TPH2: variants seen among roughly 807,000 people sequenced by gnomAD.
TPH2 encodes the protein tryptophan hydroxylase 2.
Under a neutral mutation model 59.1 loss-of-function variants are expected in TPH2, and 27 were observed. The ratio of observed to expected loss-of-function variants is 0.46; its 90% CI spans 0.34 to 0.63. TPH2 has a LOEUF of 0.63. Among genes scored for constraint, TPH2 ranks in the 30% least tolerant of loss-of-function variants. The probability of loss-of-function intolerance (pLI) is 0.01; values close to 1 mark genes in which losing one functional copy is unlikely to be tolerated. For missense variants in TPH2, 523 were observed against 588.3 expected (o/e 0.89, Z 1.15); for synonymous variants, 220 against 210.5 (o/e 1.05, Z -0.39).
At chr12:72,014,394 T>C (rs1186020797) in intron 8 of TPH2, among the ~76,000 whole-genome samples, 6 of 104,944 alleles carry the variant, frequency 5.7e-5, no homozygotes, top group Admixed American at 2.0e-4. Context: ...TTTCTTTTTT[T>C]CTTTTTTTTT....
intron 7 of TPH2, among the ~76,000 whole-genome samples, chr12:71,979,585 A>C (rs1872214517): frequency 6.6e-6 from 1 of 151,970 alleles, no homozygotes; most frequent in Non-Finnish European, 1.5e-5. Flanking sequence ...CCTGCCCGCC[A>C]CCTCCAGATA....
At chr12:71,959,721 T>A (rs1263770067) in intron 5 of TPH2, among the ~76,000 whole-genome samples, 2 of 152,138 alleles carry the variant, frequency 1.3e-5, no homozygotes, top group African/African-American at 4.8e-5. Flanking sequence ...GAATCTTAAT[T>A]GGAAGCATAA....
At chr12:71,985,099 C>T (rs923797200) in intron 7 of TPH2, among the ~76,000 whole-genome samples, 1 of 152,160 alleles carries the variant, frequency 6.6e-6, no homozygotes, top group Admixed American at 6.5e-5. Flanking sequence ...ATGGACTCAC[C>T]TAATACTACA....
At chr12:72,022,719 G>A (rs868014753) in intron 9 of TPH2, among the ~76,000 whole-genome samples, 16 of 152,332 alleles carry the variant, frequency 1.1e-4, no homozygotes, top group African/African-American at 2.2e-4. Context: ...GAGCAGCCAC[G>A]TGTACAAATC....
At chr12:72,009,532 C>T (rs1873045643) in intron 8 of TPH2, among the ~76,000 whole-genome samples, 1 of 152,186 alleles carries the variant, frequency 6.6e-6, no homozygotes, top group Non-Finnish European at 1.5e-5. Flanking sequence ...TACTATATTT[C>T]TAAACTAGCC....
chr12:71,992,145 T>A (rs1872590115), intron 7 of TPH2, among the ~76,000 whole-genome samples: 2 of 152,252 alleles, frequency 1.3e-5, no homozygotes, highest in Non-Finnish European at 2.9e-5. Context: ...TTTTTACTTG[T>A]GCTAGCTAGC....
In TPH2 at chr12:72,031,882, T is replaced by TAACC. The variant is rs886049818; in HGVS notation, c.*189_*192dup. 2.4e-5 allele frequency: 16 copies of TAACC among 663,200 alleles called. No homozygotes were observed. Among genetic ancestry groups the TAACC allele is most frequent in the Non-Finnish European group, 3.7e-5 (14 of 375,902 alleles). The allele number at this position is 663,200 out of a possible 1,614,324, so 41.1% of individuals were successfully genotyped here. On this transcript the variant is annotated 3_prime_UTR_variant, in exon 11 of 11. Transcript: ENST00000333850. ...GCACCATAAGAAATCCAATGGCAGA[T>TAACC]AACCACTCATTGTATGAAATAACGT...
intron 6 of TPH2, among the ~76,000 whole-genome samples, chr12:71,974,468 C>A (rs1225354559): frequency 1.3e-5 from 2 of 152,136 alleles, no homozygotes. Flanking sequence ...ATCACTCCAA[C>A]CTCTTGCTTC....
intron 9 of TPH2, among the ~76,000 whole-genome samples, chr12:72,025,729 A>G (rs532638439): frequency 1.2e-4 from 18 of 152,250 alleles, no homozygotes; most frequent in Non-Finnish European, 1.0e-4. Flanking sequence ...AACTGTGGAG[A>G]ACAATTAACA....
intron 9 of TPH2, among the ~76,000 whole-genome samples, chr12:72,026,931 G>A (rs995591667): frequency 6.6e-5 from 10 of 152,086 alleles, no homozygotes; most frequent in South Asian, 2.1e-4. Flanking sequence ...ACACATATAC[G>A]TATGTATATA....
intron 9 of TPH2, among the ~76,000 whole-genome samples, chr12:72,029,360 A>G (rs1873655689): frequency 6.6e-6 from 1 of 152,228 alleles, no homozygotes; most frequent in African/African-American, 2.4e-5. Flanking sequence ...TTCCATATGT[A>G]CTGATGGATG....
intron 8 of TPH2, among the ~76,000 whole-genome samples, chr12:71,998,579 G>A (rs1872749173): frequency 6.6e-6 from 1 of 152,104 alleles, no homozygotes; most frequent in South Asian, 2.1e-4. Flanking sequence ...TACCATGCAT[G>A]TTAATGAACC....
At chr12:71,966,673 T>C (rs1871827825) in intron 5 of TPH2, among the ~76,000 whole-genome samples, 1 of 152,236 alleles carries the variant, frequency 6.6e-6, no homozygotes, top group South Asian at 2.1e-4. Flanking sequence ...TTCTCTGTTA[T>C]CTTCTGCTCT....
At chr12:72,008,765 C>T (rs1873021797) in intron 8 of TPH2, among the ~76,000 whole-genome samples, 2 of 152,084 alleles carry the variant, frequency 1.3e-5, no homozygotes, top group Non-Finnish European at 2.9e-5. Context: ...CAAACTACTT[C>T]TCAGGAGTTT....
At chr12:71,998,105 C>T (rs990682123) in intron 8 of TPH2, among the ~76,000 whole-genome samples, 2 of 152,124 alleles carry the variant, frequency 1.3e-5, no homozygotes, top group African/African-American at 2.4e-5. Flanking sequence ...AACATAAATG[C>T]TTTAAATGCA....
chr12:71,982,532 G>T (rs887785796), intron 7 of TPH2, among the ~76,000 whole-genome samples: 1 of 152,128 alleles, frequency 6.6e-6, no homozygotes, highest in Non-Finnish European at 1.5e-5. Context: ...ATATTGCAAA[G>T]TCCTAAGTCC....
At chr12:71,985,703 G>A (rs1400870332) in intron 7 of TPH2, among the ~76,000 whole-genome samples, 2 of 151,990 alleles carry the variant, frequency 1.3e-5, no homozygotes, top group African/African-American at 4.8e-5. Flanking sequence ...GGCCTTGAAA[G>A]GGATACTTCC....
rs142180247 is a variant in TPH2, at chr12:72,029,153, G to A, written c.1165-2105G>A. On this transcript the variant is annotated intron_variant, in intron 9 of 10. Coordinates refer to ENST00000333850, the MANE Select transcript of TPH2 (RefSeq NM_173353.4). ...GCTAATGTCTTATAGAAGCAATGGA[G>A]ACACAAACAGATGAGTTTCACTTCT... Among the ~76,000 whole-genome samples the A allele has an allele frequency of 3.2e-3, 494 of 152,302 alleles. 1 individual carries two copies. Among genetic ancestry groups the A allele is most frequent in the Non-Finnish European group, 5.2e-3 (354 of 68,028 alleles).
chr12:72,020,353 G>T (rs564181527), intron 8 of TPH2, among the ~76,000 whole-genome samples: 154 of 152,250 alleles, frequency 1.0e-3, no homozygotes, highest in African/African-American at 3.6e-3. Flanking sequence ...ATGATAAGCA[G>T]CACATATCAT....
Sources: allele counts gnomAD v4.1 joint callset (sites outside exome capture counted in the v4.1 genomes callset), GRCh38; gene constraint gnomAD v4.1.1; transcripts MANE v1.5; gene names NCBI Gene and HGNC (gene_info 2026-07-23, HGNC 2026-07-21).